STOML1: variants seen among roughly 807,000 people sequenced by gnomAD.
The protein encoded by STOML1 is stomatin like 1.
In STOML1, 27 loss-of-function variants were observed where a neutral mutation model predicts 35.7. That is an observed-to-expected ratio of 0.76 (90% confidence interval 0.56 to 1.04). STOML1 has a LOEUF of 1.04. Ranked by LOEUF, STOML1 falls within the 50% of genes least tolerant of loss-of-function variation. The probability of loss-of-function intolerance (pLI) is 0.00; values close to 1 mark genes in which losing one functional copy is unlikely to be tolerated. For synonymous variants in STOML1, 219 were observed against 227.9 expected (o/e 0.96, Z 0.35); for missense variants, 451 against 527.1 (o/e 0.86, Z 1.41).
chr15:73,988,976 TC>T lies in STOML1; in HGVS notation c.390+131del. On this transcript the variant is annotated intron_variant, in intron 3 of 6. Coordinates refer to ENST00000541638, the MANE Select transcript of STOML1 (RefSeq NM_004809.5). The surrounding 1 kb of genome is among the most constrained non-coding windows in gnomAD (Gnocchi z 4.8). ...ATGAAGCAAGGATGTCCTCCTAGCT[TC>T]CATCAATTTTCTGGTCTCTTCTTCC... 1 of 1,452,054 alleles carries T rather than the reference TC, an allele frequency of 6.9e-7. No individual in the cohort carries two copies. Among genetic ancestry groups the T allele is most frequent in the Non-Finnish European group, 9.2e-7 (1 of 1,082,646 alleles). The allele number at this position is 1,452,054 out of a possible 1,614,324, so 89.9% of individuals were successfully genotyped here.
intron 5 of STOML1, 115 bp downstream of exon 5, chr15:73,985,203 T>A: frequency 7.9e-7 from 1 of 1,266,040 alleles, no homozygotes; most frequent in Non-Finnish European, 1.1e-6. Flanking sequence ...GTGGTCAGTG[T>A]GGGCTGAACA....
In STOML1 at chr15:73,982,532, A is replaced by C. The variant is rs1595857027; in HGVS notation, c.*1405T>G. ...TGGAGGACCTCCAGGAGGCGGGACAAGGCAGTGTCTGGCAAAGGCAGGGAC... is the reference window on the plus strand; with the variant it reads ...TGGAGGACCTCCAGGAGGCGGGACACGGCAGTGTCTGGCAAAGGCAGGGAC... On this transcript the variant is annotated 3_prime_UTR_variant, in exon 7 of 7. Transcript: ENST00000541638. 6.5e-6 allele frequency: 1 copy of C among 153,042 alleles called. No homozygotes were observed. The highest frequency in any genetic ancestry group is 2.4e-5 in the African/African-American group (1 of 41,452). The allele number at this position is 153,042 out of a possible 1,614,324, so 9.5% of individuals were successfully genotyped here.
chr15:73,992,663 A>T (rs2069320967), upstream of STOML1, among the ~76,000 whole-genome samples: 1 of 152,318 alleles, frequency 6.6e-6, no homozygotes, highest in East Asian at 1.9e-4. Flanking sequence ...TTTAAAAATT[A>T]GCCTGGCGTG....
Position 73,989,249 on chromosome 15 carries a change from G to A in STOML1, c.249C>T (p.Pro83=). 6.3e-7 allele frequency: 1 copy of A among 1,595,400 alleles called. No homozygotes were observed. The highest frequency in any genetic ancestry group is 8.6e-7 in the Non-Finnish European group (1 of 1,169,390). The change falls in exon 3 of 7, where the codon CCC becomes CCT. Residue 83 remains proline, a synonymous_variant. Transcript: ENST00000541638. Reference sequence around the variant, plus strand: ...GGAACACAATCATCCGCTCGTAGGTGGGCACAATCTGTCCACAATGGCAAG... The same window carrying A: ...GGAACACAATCATCCGCTCGTAGGTAGGCACAATCTGTCCACAATGGCAAG... ...ISGWFALKIV[P]TYERMIVFRL...
chr15:73,989,013 C>A (rs1244082039), intron 3 of STOML1, 95 bp downstream of exon 3: 5 of 1,509,460 alleles, frequency 3.3e-6, no homozygotes, highest in Non-Finnish European at 3.5e-6. Context: ...CCCTTCCCCC[C>A]TCAGATGGTG....
chr15:73,984,738 GC>G lies in STOML1; in HGVS notation c.923del (p.Ser308ThrfsTer67). On this transcript the variant is annotated frameshift_variant, in exon 6 of 7. Transcript: ENST00000541638. LOFTEE classifies it high-confidence loss of function. ...TGAACTGGTAGCAGGCCCCGACTTG[GC>G]TGACCAGGGCCTCAGACAGGAAGGG... ...LQPFLSEALV[S>X]QVGACYQFNV... The G allele has an allele frequency of 6.2e-7, 1 of 1,614,090 alleles. No homozygotes were observed. The highest frequency in any genetic ancestry group is 8.5e-7 in the Non-Finnish European group (1 of 1,180,024).
chr15:73,989,787 T>C (rs1363232455), intron 2 of STOML1, among the ~76,000 whole-genome samples: 1 of 152,184 alleles, frequency 6.6e-6, no homozygotes, highest in Non-Finnish European at 1.5e-5. Context: ...AGAACTAGGA[T>C]ATAAGGCCAT....
In STOML1 at chr15:73,980,311, C is replaced by CA. The variant is rs1445681730; in HGVS notation, c.*3625dup. ...TTTATCTTATAGATAAACTCTACCACAAATAGCACATGTTAAAGGTTATTC... is the reference window on the plus strand; with the variant it reads ...TTTATCTTATAGATAAACTCTACCACAAAATAGCACATGTTAAAGGTTATTC... On this transcript the variant is annotated 3_prime_UTR_variant, in exon 7 of 7. Coordinates refer to ENST00000541638, the MANE Select transcript of STOML1 (RefSeq NM_004809.5). 6.6e-6 allele frequency: 1 copy of CA among 152,176 alleles called. No individual in the cohort carries two copies. The highest frequency in any genetic ancestry group is 1.5e-5 in the Non-Finnish European group (1 of 68,036). The allele number at this position is 152,176 out of a possible 1,614,324, so 9.4% of individuals were successfully genotyped here. A position where few individuals can be genotyped will look rare whatever the true frequency, so the allele number is the denominator to read the frequency against.
chr15:73,992,237 A>T lies in STOML1; in HGVS notation c.-14T>A, dbSNP rs745951292. On this transcript the variant is annotated 5_prime_UTR_variant, in exon 1 of 7. Coordinates refer to ENST00000541638, the MANE Select transcript of STOML1 (RefSeq NM_004809.5). ...CCTGCCGAGCATGGCTTTTGACAGG[A>T]GACACGCCCCGCGCCTCCGCGCGGC... The T allele has an allele frequency of 6.3e-7, 1 of 1,586,000 alleles. No individual in the cohort carries two copies. Among genetic ancestry groups the T allele is most frequent in the Non-Finnish European group, 8.6e-7 (1 of 1,169,282 alleles).
chr15:73,994,084 C>T (rs1159823248), upstream of STOML1, among the ~76,000 whole-genome samples: 2 of 152,166 alleles, frequency 1.3e-5, no homozygotes, highest in African/African-American at 4.8e-5. Context: ...CGTGTTGTTC[C>T]CTGGTTCCAA....
rs770610283 is a variant in STOML1 at position 73,984,728 on chromosome 15, C to G, written c.934G>C (p.Ala312Pro). 2 of 1,614,094 alleles carry G rather than the reference C, an allele frequency of 1.2e-6. No individual in the cohort carries two copies. The highest frequency in any genetic ancestry group is 2.2e-5 in the South Asian group (2 of 91,086). The change falls in exon 6 of 7, where the codon GCC (alanine) becomes CCC (proline). Residue 312 changes from alanine (A) to proline (P), a missense_variant. Ala to Pro is a conservative substitution (Grantham distance 27). Coordinates refer to ENST00000541638, the MANE Select transcript of STOML1 (RefSeq NM_004809.5). ...AGGACGACATTGAACTGGTAGCAGG[C>G]CCCGACTTGGCTGACCAGGGCCTCA... ...LSEALVSQVG[A>P]CYQFNVVLPS...
upstream of STOML1, among the ~76,000 whole-genome samples, chr15:73,992,915 G>A (rs181066011): frequency 6.6e-6 from 1 of 152,160 alleles, no homozygotes; most frequent in Non-Finnish European, 1.5e-5. Flanking sequence ...CTGGACTTTG[G>A]GTTTCTCTGG....
Position 73,984,215 on chromosome 15 carries a change from C to A in STOML1, c.1004-85G>T, listed in dbSNP as rs2069015362. ...ATGGGGGTGGGAGGGGCTGGTATTT[C>A]CCATTGGGAGGAGAGTACTGGTTAA... On this transcript the variant is annotated intron_variant, in intron 6 of 6. Transcript: ENST00000541638. 4 of 1,405,754 alleles carry A rather than the reference C, an allele frequency of 2.8e-6. No homozygotes were observed. The East Asian group carries it at 7.5e-5, about 26-fold the overall frequency. 87.1% of individuals were successfully genotyped at this position (1,405,754 alleles called of 1,614,324 possible).
In STOML1 at chr15:73,988,696, G is replaced by A; in HGVS notation, c.497C>T (p.Thr166Ile). Residue 166 changes from threonine (T) to isoleucine (I), a missense_variant, in exon 4 of 7, where the codon ACA becomes ATA. Transcript: ENST00000541638. This position sits in a 1 kb window ranked among gnomAD's most constrained non-coding sequence, Gnocchi z 4.8. ...CATGGCGTTCTGGGCTGTCATGCGT[G>A]TGGCTGTGTTCAGGTCTTTCACAGT... ...VMTVKDLNTA[T>I]RMTAQNAMTK... 6.2e-7 allele frequency: 1 copy of A among 1,614,200 alleles called. No individual in the cohort carries two copies. The highest frequency in any genetic ancestry group is 8.5e-7 in the Non-Finnish European group (1 of 1,180,046).
chr15:73,984,243 G>A, intron 6 of STOML1, 113 bp from the exon 7 acceptor site: 1 of 1,185,192 alleles, frequency 8.4e-7, no homozygotes, highest in Non-Finnish European at 1.2e-6. Context: ...CTGGTTAAGA[G>A]TTTGGGTTCT....
upstream of STOML1, chr15:73,992,359 A>G (rs2069311729): frequency 4.6e-6 from 5 of 1,089,590 alleles, no homozygotes; most frequent in Non-Finnish European, 6.0e-6. Flanking sequence ...GGGCGCAGGA[A>G]GAGGAGGCCG....
At chr15:73,994,575 C>T, upstream of STOML1, 1 of 594,538 alleles carries the variant, frequency 1.7e-6, no homozygotes, top group East Asian at 2.9e-5. Context: ...AGGTCTGCAG[C>T]TCTCCGCCTC....
chr15:73,984,195 G>T lies in STOML1; in HGVS notation c.1004-65C>A, dbSNP rs957956780. ...GAGGAACGTGAAGGAGATCTATGGG[G>T]GTGGGAGGGGCTGGTATTTCCCATT... is the stretch of plus-strand genomic sequence containing the variant. On this transcript the variant is annotated intron_variant, in intron 6 of 6. Transcript: ENST00000541638. The T allele has an allele frequency of 2.7e-6, 4 of 1,509,156 alleles. No homozygotes were observed. In the South Asian group the frequency reaches 5.0e-5, roughly 19 times the overall value. The allele number at this position is 1,509,156 out of a possible 1,614,324, so 93.5% of individuals were successfully genotyped here.
chr15:73,981,471 TAAG>T lies in STOML1; in HGVS notation c.*2463_*2465del, dbSNP rs1309242673. 1 of 152,232 alleles carries T rather than the reference TAAG, an allele frequency of 6.6e-6. No individual in the cohort carries two copies. Among genetic ancestry groups the T allele is most frequent in the African/African-American group, 2.4e-5 (1 of 41,456 alleles). The allele number at this position is 152,232 out of a possible 1,614,324, so 9.4% of individuals were successfully genotyped here. ...CAGGTTATCTTGAAGAAAAATATAA[TAAG>T]AAGTGTCTAGTCCGGTATAAGGACA... On this transcript the variant is annotated 3_prime_UTR_variant, in exon 7 of 7. Coordinates refer to ENST00000541638, the MANE Select transcript of STOML1 (RefSeq NM_004809.5).
Sources: gnomAD v4.1 joint callset for allele counts (sites outside exome capture counted in the v4.1 genomes callset) on GRCh38, gnomAD v4.1.1 for gene constraint, Gnocchi (gnomAD v3.1) non-coding constraint, MANE v1.5 for transcripts, NCBI Gene and HGNC (gene_info 2026-07-23, HGNC 2026-07-21) for gene names.